Variants in CPNE7 observed in about 807,000 individuals in gnomAD.
CPNE7 encodes copine 7.
Under a neutral mutation model 66.5 loss-of-function variants are expected in CPNE7, and 78 were observed. The ratio of observed to expected loss-of-function variants is 1.17; its 90% CI spans 0.98 to 1.42. The LOEUF (loss-of-function observed/expected upper bound fraction) is 1.42. Ranked by LOEUF, CPNE7 falls within the 40% of genes most tolerant of loss-of-function variation. CPNE7 has a pLI of 0.00. For synonymous variants in CPNE7, 468 were observed against 336.7 expected (o/e 1.39, Z -4.27); for missense variants, 1,012 against 776.6 (o/e 1.30, Z -3.60).
intron 11 of CPNE7, among the ~76,000 whole-genome samples, 166 bp from the exon 12 acceptor site, chr16:89,590,841 G>T: frequency 1.1e-5 from 1 of 92,580 alleles, no homozygotes; most frequent in East Asian, 4.1e-4. Context: ...GGGAGCAGCT[G>T]ACCGAGCCCT....
intron 8 of CPNE7, 79 bp downstream of exon 8, chr16:89,586,835 C>G (rs2059048409): frequency 2.9e-6 from 4 of 1,359,020 alleles, no homozygotes; most frequent in East Asian, 4.6e-5. Context: ...TGGATGGACC[C>G]TCAACCAGAG....
Position 89,584,879 on chromosome 16 carries a change from C to A in CPNE7, c.591+22C>A, listed in dbSNP as rs773149702. 2 of 1,604,764 alleles carry A rather than the reference C, an allele frequency of 1.2e-6. No individual in the cohort carries two copies. Among genetic ancestry groups the A allele is most frequent in the Non-Finnish European group, 1.7e-6 (2 of 1,172,860 alleles). ...GGAGGTGAGCGGCCGGGGATGGGAA[C>A]ACAGGGAGGGGAAGGGGCTGTCCCC... On this transcript the variant is annotated intron_variant, in intron 5 of 14. Coordinates refer to ENST00000319518, the MANE Select transcript of CPNE7 (RefSeq NM_153636.3). The surrounding 1 kb of genome is among the most constrained non-coding windows in gnomAD (Gnocchi z 6.0).
In CPNE7 at chr16:89,591,110, C is replaced by G; in HGVS notation, c.1169-17C>G. The G allele has an allele frequency of 6.2e-7, 1 of 1,612,836 alleles. No individual in the cohort carries two copies. Among genetic ancestry groups the G allele is most frequent in the Non-Finnish European group, 8.5e-7 (1 of 1,179,696 alleles). Reference sequence around the variant, plus strand: ...GGGGAGTGCAGGGGGGCCGGGCTCACCCCCTGCCCCCCACAGGCATCCAGG... The same window carrying G: ...GGGGAGTGCAGGGGGGCCGGGCTCAGCCCCTGCCCCCCACAGGCATCCAGG... On this transcript the variant is annotated splice_polypyrimidine_tract_variant and intron_variant, in intron 12 of 14. Coordinates refer to ENST00000319518, the MANE Select transcript of CPNE7 (RefSeq NM_153636.3).
In CPNE7 at chr16:89,583,730, C is replaced by T. The variant is rs1404091670; in HGVS notation, c.391C>T (p.Leu131=). 1 of 1,612,696 alleles carries T rather than the reference C, an allele frequency of 6.2e-7. No homozygotes were observed. Among genetic ancestry groups the T allele is most frequent in the African/African-American group, 1.3e-5 (1 of 74,938 alleles). The change falls in exon 3 of 15, where the codon CTG becomes TTG. Residue 131 remains leucine (L), a synonymous_variant. Coordinates refer to ENST00000319518, the MANE Select transcript of CPNE7 (RefSeq NM_153636.3). Reference sequence around the variant, plus strand: ...CCAGAAGAAGGTGACCCGCCCGCTGCTGCTCAAGTTTGGCAGGAACGCTGG... The same window carrying T: ...CCAGAAGAAGGTGACCCGCCCGCTGTTGCTCAAGTTTGGCAGGAACGCTGG... ...VAQKKVTRPL[L]LKFGRNAGKS...
Position 89,584,823 on chromosome 16 carries a change from A to G in CPNE7, c.557A>G (p.Asp186Gly), listed in dbSNP as rs1425658433. ...DPFLELYRVN[D>G]DQGLQLVYRT... The stretch of plus-strand genomic sequence containing the variant: ...TTCCTGGAGCTCTACAGGGTCAACG[A>G]CGACCAGGGCTTGCAGCTGGTGTAC... Residue 186 changes from aspartate to glycine, a missense_variant, in exon 5 of 15, where the codon GAC becomes GGC. Physicochemically the swap from Asp to Gly is moderately conservative, Grantham distance 94 (BLOSUM62 -1). Coordinates refer to ENST00000319518, the MANE Select transcript of CPNE7 (RefSeq NM_153636.3). This position sits in a 1 kb window ranked among gnomAD's most constrained non-coding sequence, Gnocchi z 6.0. The G allele has an allele frequency of 1.7e-5, 28 of 1,613,510 alleles. No individual in the cohort carries two copies. Among genetic ancestry groups the G allele is most frequent in the Non-Finnish European group, 2.4e-5 (28 of 1,179,960 alleles).
rs545069815 is a variant in CPNE7 at position 89,593,603 on chromosome 16, C to T, written c.1303-1764C>T. Among the ~76,000 whole-genome samples the T allele has an allele frequency of 5.9e-5, 9 of 152,228 alleles. No individual in the cohort carries two copies. In the East Asian group the frequency reaches 7.7e-4, roughly 13 times the overall value. On this transcript the variant is annotated intron_variant, in intron 13 of 14. Transcript: ENST00000319518. ...TCCTGACCTCGTGATCCGCCCACCT[C>T]GGCCTCCCAAAGTGCTGGGATTACA...
rs1459917295 is a variant in CPNE7 at position 89,575,774 on chromosome 16, G to A, written c.-124G>A. 89 of 677,248 alleles carry A rather than the reference G, an allele frequency of 1.3e-4. No homozygotes were observed. The South Asian group carries it at 5.3e-3, about 40-fold the overall frequency. The allele number at this position is 677,248 out of a possible 1,614,324, so 42.0% of individuals were successfully genotyped here. On this transcript the variant is annotated 5_prime_UTR_variant, in exon 1 of 15. Transcript: ENST00000319518. The stretch of plus-strand genomic sequence containing the variant: ...GCCCGAGCCACGTGCGCCCGCGCCC[G>A]GCAGGCGTTCAGGGAAGCGCGGCCA...
rs199966463 is a variant in CPNE7, at chr16:89,589,960, G to T, written c.1116+9G>T. The T allele has an allele frequency of 5.9e-4, 950 of 1,613,472 alleles. 1 individual carries two copies. The highest frequency in any genetic ancestry group is 7.5e-4 in the Non-Finnish European group (888 of 1,179,912). ...TCCCTCCCAAGTATGAGGTAGGAGAGCCCAGAACCTGAGACCTCAGAGCTG... is the reference window on the plus strand; with the variant it reads ...TCCCTCCCAAGTATGAGGTAGGAGATCCCAGAACCTGAGACCTCAGAGCTG... On this transcript the variant is annotated intron_variant, in intron 11 of 14. Transcript: ENST00000319518.
In CPNE7 at chr16:89,595,335, T is replaced by G. The variant is rs1304417537; in HGVS notation, c.1303-32T>G. Reference sequence around the variant, plus strand: ...GGGCGCATGTGGGCCATGGCAGGTGTGGTGTTGCTGATGCCTTTCCTGTGC... The same window carrying G: ...GGGCGCATGTGGGCCATGGCAGGTGGGGTGTTGCTGATGCCTTTCCTGTGC... On this transcript the variant is annotated intron_variant, in intron 13 of 14. Coordinates refer to ENST00000319518, the MANE Select transcript of CPNE7 (RefSeq NM_153636.3). The G allele has an allele frequency of 2.0e-6, 3 of 1,521,664 alleles. No individual in the cohort carries two copies. In the Admixed American group the frequency reaches 5.6e-5, roughly 28 times the overall value. 94.3% of individuals were successfully genotyped at this position (1,521,664 alleles called of 1,614,324 possible). A position where few individuals can be genotyped will look rare whatever the true frequency, so the allele number is the denominator to read the frequency against.
chr16:89,583,444 G>C lies in CPNE7; in HGVS notation c.358-253G>C, dbSNP rs1192618000. 85 of 1,550,272 alleles carry C rather than the reference G, an allele frequency of 5.5e-5. No individual in the cohort carries two copies. Among genetic ancestry groups the C allele is most frequent in the Non-Finnish European group, 7.2e-5 (83 of 1,146,880 alleles). ...GCCTGTTTCCTCACCTGGTAAATAG[G>C]TATGATGACCTCTGCCTCCCCTGGG... is the stretch of plus-strand genomic sequence containing the variant. On this transcript the variant is annotated intron_variant, in intron 2 of 14. Transcript: ENST00000319518.
Position 89,584,113 on chromosome 16 carries a change from G to A in CPNE7, c.507+11G>A, listed in dbSNP as rs764112375. On this transcript the variant is annotated intron_variant, in intron 4 of 14. Coordinates refer to ENST00000319518, the MANE Select transcript of CPNE7 (RefSeq NM_153636.3). The surrounding 1 kb of genome is among the most constrained non-coding windows in gnomAD (Gnocchi z 6.0). ...AAGCTGGACGACAAGGTGAGTGCAG[G>A]TGCCGGGCACGCCTGGCTCAGGCTG... 3.7e-6 allele frequency: 6 copies of A among 1,607,540 alleles called. No homozygotes were observed. The highest frequency in any genetic ancestry group is 1.7e-5 in the Admixed American group (1 of 58,630).
At chr16:89,576,513 C>T (rs943800140) in intron 1 of CPNE7, among the ~76,000 whole-genome samples, 1 of 152,148 alleles carries the variant, frequency 6.6e-6, no homozygotes, top group Non-Finnish European at 1.5e-5. Context: ...GTGCGGACCT[C>T]CAGGCGTCCG....
rs751689137 is a variant in CPNE7 at position 89,588,741 on chromosome 16, C to T, written c.994C>T (p.Pro332Ser). Residue 332 changes from proline to serine, a missense_variant, in exon 10 of 15, where the codon CCC becomes TCC. Transcript: ENST00000319518. ...RNSCSLHYIN[P>S]YQPNEYLKAL... ...CAGCTGCTCCCTGCACTACATCAAC[C>T]CCTACCAGCCGAACGAGTACCTGAA... is the stretch of plus-strand genomic sequence containing the variant. 3.1e-5 allele frequency: 50 copies of T among 1,613,566 alleles called. No homozygotes were observed. Among genetic ancestry groups the T allele is most frequent in the Admixed American group, 2.7e-4 (16 of 59,990 alleles).
chr16:89,585,725 C>T lies in CPNE7; in HGVS notation c.720C>T (p.Asp240=). 6.5e-7 allele frequency: 1 copy of T among 1,544,440 alleles called. No homozygotes were observed. The highest frequency in any genetic ancestry group is 1.2e-5 in the South Asian group (1 of 83,954). The change falls in exon 7 of 15, where the codon GAC becomes GAT. Residue 240 remains aspartate, a synonymous_variant. Coordinates refer to ENST00000319518, the MANE Select transcript of CPNE7 (RefSeq NM_153636.3). ...VWDYDSRGKH[D]FIGEFSTTFE... ...ATTACGACTCTCGAGGAAAGCACGA[C>T]TTCATCGGAGAATTCTCTACCACCT...
In CPNE7 at chr16:89,591,007, G is replaced by C. The variant is rs781161930; in HGVS notation, c.1117G>C (p.Val373Leu). ...FGARIPPKYE[V>L]SHDFAINFNP... ...ACTGAGCCCTCTTGTTCCCACCCAG[G>C]TGTCCCATGACTTTGCCATCAATTT... The change falls in exon 12 of 15, where the codon GTG (valine) becomes CTG (leucine). Residue 373 changes from valine to leucine, a missense_variant and splice_region_variant. Physicochemically the swap from Val to Leu is conservative, Grantham distance 32. Coordinates refer to ENST00000319518, the MANE Select transcript of CPNE7 (RefSeq NM_153636.3). The C allele has an allele frequency of 1.9e-6, 3 of 1,613,602 alleles. No individual in the cohort carries two copies. The African/African-American group carries it at 4.0e-5, about 22-fold the overall frequency.
At chr16:89,587,553 C>A (rs1166117504) in intron 9 of CPNE7, 1 of 450,888 alleles carries the variant, frequency 2.2e-6, no homozygotes, top group Non-Finnish European at 4.5e-6. Context: ...CATTTAACAA[C>A]AGACAAAACG....
At position 89,583,901 on chromosome 16, in the gene CPNE7, C is replaced by T. The variant is rs186909019; in HGVS notation, c.433-127C>T. Reference sequence around the variant, plus strand: ...GCAGGAGCCGGCAGCTACACAGCCCCGGGGGTACACAGACACCTCCTCTCA... The same window carrying T: ...GCAGGAGCCGGCAGCTACACAGCCCTGGGGGTACACAGACACCTCCTCTCA... On this transcript the variant is annotated intron_variant, in intron 3 of 14. Transcript: ENST00000319518. 1,489 of 1,435,984 alleles carry T rather than the reference C, an allele frequency of 1.0e-3. 8 individuals are homozygous for T. The highest frequency in any genetic ancestry group is 4.5e-4 in the Middle Eastern group (2 of 4,450). The allele number at this position is 1,435,984 out of a possible 1,614,324, so 89.0% of individuals were successfully genotyped here.
rs1337510934 is a variant in CPNE7, at chr16:89,586,748, G to T, written c.859G>T (p.Asp287Tyr). Residue 287 changes from aspartate to tyrosine, a missense_variant, in exon 8 of 15, where the codon GAC becomes TAC. By Grantham distance (160) the Asp-to-Tyr change is radical (BLOSUM62 -3). Transcript: ENST00000319518. ...GAACTCAGGAGTGGTCGTCCTGGCT[G>T]ACCTCAAGGTGAGAGGTGGCTGTGC... Reference protein sequence around the residue: ...YKNSGVVVLADLKFHRVYSFL... With the variant: ...YKNSGVVVLAYLKFHRVYSFL... The T allele has an allele frequency of 3.1e-6, 5 of 1,612,662 alleles. No homozygotes were observed. In the East Asian group the frequency reaches 1.1e-4, roughly 36 times the overall value.
rs1041048547 is a variant in CPNE7, at chr16:89,576,089, G to T, written c.174+18G>T. On this transcript the variant is annotated intron_variant, in intron 1 of 14. Transcript: ENST00000319518. ...GGGTGCAGGTAGGGCCGGGGCGTGGGAGGCCGAGAGGCCACCGGGCCGGGG... is the reference window on the plus strand; with the variant it reads ...GGGTGCAGGTAGGGCCGGGGCGTGGTAGGCCGAGAGGCCACCGGGCCGGGG... 8.0e-7 allele frequency: 1 copy of T among 1,246,020 alleles called. No homozygotes were observed. The highest frequency in any genetic ancestry group is 3.2e-5 in the South Asian group (1 of 31,370). 77.2% of individuals were successfully genotyped at this position (1,246,020 alleles called of 1,614,324 possible). A position where few individuals can be genotyped will look rare whatever the true frequency, so the allele number is the denominator to read the frequency against.
Sources: gnomAD v4.1 joint callset for allele counts (sites outside exome capture counted in the v4.1 genomes callset) on GRCh38, gnomAD v4.1.1 for gene constraint, Gnocchi (gnomAD v3.1) non-coding constraint, MANE v1.5 for transcripts, NCBI Gene and HGNC (gene_info 2026-07-23, HGNC 2026-07-21) for gene names.